ELMO1: variants seen among roughly 807,000 people sequenced by gnomAD.
ELMO1 encodes engulfment and cell motility 1.
A neutral mutation model predicts 98.9 loss-of-function variants in ELMO1; 26 were observed. That is an observed-to-expected ratio of 0.26 (90% CI 0.19 to 0.36). ELMO1 has a LOEUF of 0.36. ELMO1 is among the 10% of genes least tolerant of loss of function. The pLI, the probability that ELMO1 is intolerant of heterozygous loss-of-function variation, is 1.00. For synonymous variants in ELMO1, 346 were observed against 346.0 expected (o/e 1.00, Z 0.00); for missense variants, 627 against 935.2 (o/e 0.67, Z 4.30).
At chr7:37,108,429 T>C (rs574914669) in intron 14 of ELMO1, among the ~76,000 whole-genome samples, 2 of 152,258 alleles carry the variant, frequency 1.3e-5, no homozygotes, top group East Asian at 1.9e-4. Flanking sequence ...TAAAACCTTA[T>C]GTATGGTTTT....
At chr7:37,417,421 G>A (rs577732541) in intron 1 of ELMO1, among the ~76,000 whole-genome samples, 5 of 152,266 alleles carry the variant, frequency 3.3e-5, no homozygotes, top group East Asian at 3.9e-4. Flanking sequence ...CAGCACTTTC[G>A]GAGGCCGAGG....
chr7:37,437,638 G>T (rs1166780776), intron 1 of ELMO1, among the ~76,000 whole-genome samples: 1 of 151,984 alleles, frequency 6.6e-6, no homozygotes, highest in African/African-American at 2.4e-5. Flanking sequence ...ATTCCTTTGT[G>T]GTGGGAACAT....
intron 15 of ELMO1, among the ~76,000 whole-genome samples, chr7:37,080,297 C>G (rs896102946): frequency 3.9e-5 from 6 of 152,214 alleles, no homozygotes; most frequent in Non-Finnish European, 7.3e-5. Flanking sequence ...ATGAGCCACA[C>G]AATTCTTTGA....
rs910959434 is a variant in ELMO1, at chr7:37,053,493, C to G, written c.1301-40058G>C. Reference sequence around the variant, plus strand: ...TTCATGTGTTTCCTCTTAAACTTCCCTACTCAAGGCTAATCATACCCCATT... The same window carrying G: ...TTCATGTGTTTCCTCTTAAACTTCCGTACTCAAGGCTAATCATACCCCATT... On this transcript the variant is annotated intron_variant, in intron 15 of 21. Coordinates refer to ENST00000310758, the MANE Select transcript of ELMO1 (RefSeq NM_014800.11). Among the ~76,000 whole-genome samples the G allele has an allele frequency of 4.6e-5, 7 of 152,154 alleles. No homozygotes were observed. In the East Asian group the frequency reaches 1.3e-3, roughly 29 times the overall value.
chr7:36,913,924 T>C (rs1784509738), intron 16 of ELMO1, among the ~76,000 whole-genome samples: 1 of 152,360 alleles, frequency 6.6e-6, no homozygotes, highest in South Asian at 2.1e-4. Context: ...TAAAACTCCA[T>C]GTCCCATTTA....
At chr7:36,987,506 C>T (rs1273862186) in intron 16 of ELMO1, among the ~76,000 whole-genome samples, 1 of 152,168 alleles carries the variant, frequency 6.6e-6, no homozygotes, top group East Asian at 1.9e-4. Context: ...TCTGCCTTGG[C>T]ATCATAACAA....
chr7:37,200,897 C>T (rs963269033), intron 13 of ELMO1, among the ~76,000 whole-genome samples: 23 of 150,744 alleles, frequency 1.5e-4, no homozygotes, highest in East Asian at 5.8e-4. Flanking sequence ...GAGCCGAGAT[C>T]GCACCACTGC....
chr7:37,288,951 G>A (rs1797539490), intron 4 of ELMO1, among the ~76,000 whole-genome samples: 1 of 152,092 alleles, frequency 6.6e-6, no homozygotes, highest in South Asian at 2.1e-4. Flanking sequence ...GTCTTTTTTG[G>A]GGGCTGTCCT....
intron 1 of ELMO1, among the ~76,000 whole-genome samples, chr7:37,425,370 TAATACCATCATATTAGGTA>T (rs2131545193): frequency 6.6e-6 from 1 of 152,356 alleles, no homozygotes; most frequent in South Asian, 2.1e-4. Context: ...CCCCACTTTC[TAATACCATCATATTAGGTA>T]TGAGGATTTC....
chr7:36,931,325 C>T (rs985617866), intron 16 of ELMO1, among the ~76,000 whole-genome samples: 1 of 152,202 alleles, frequency 6.6e-6, no homozygotes, highest in Non-Finnish European at 1.5e-5. Flanking sequence ...TCAGGCCAGG[C>T]ATGGTGGCTC....
intron 1 of ELMO1, among the ~76,000 whole-genome samples, chr7:37,428,885 A>G (rs1804815155): frequency 6.6e-6 from 1 of 152,212 alleles, no homozygotes; most frequent in South Asian, 2.1e-4. Context: ...CAGAGTGTGT[A>G]GCTCAGTGAT....
rs1797729626 is a variant in ELMO1 at position 37,292,211 on chromosome 7, A to C, written c.193-20329T>G. On this transcript the variant is annotated intron_variant, in intron 4 of 21. Coordinates refer to ENST00000310758, the MANE Select transcript of ELMO1 (RefSeq NM_014800.11). ...GTGATCCGCCAGCCTCGGCCTCCCGAGGTGCCGGGATTGCAGACGGAGTCT... is the reference window on the plus strand; with the variant it reads ...GTGATCCGCCAGCCTCGGCCTCCCGCGGTGCCGGGATTGCAGACGGAGTCT... 2.8e-5 allele frequency among the ~76,000 whole-genome samples: 3 copies of C among 105,676 alleles called. No individual in the cohort carries two copies. In the Admixed American group the frequency reaches 2.9e-4, roughly 10 times the overall value. The allele number at this position is 105,676 out of a possible 152,430, so 69.3% of individuals were successfully genotyped here.
chr7:36,978,732 T>C (rs1184044070), intron 16 of ELMO1, among the ~76,000 whole-genome samples: 2 of 152,224 alleles, frequency 1.3e-5, no homozygotes, highest in African/African-American at 2.4e-5. Flanking sequence ...TCATTTGATG[T>C]TGACTGGCTT....
intron 16 of ELMO1, among the ~76,000 whole-genome samples, chr7:36,981,168 G>A (rs1791018692): frequency 6.9e-6 from 1 of 145,470 alleles, no homozygotes; most frequent in African/African-American, 2.5e-5. Flanking sequence ...GCAAATGGAG[G>A]CCAAAGCTCA....
chr7:37,263,225 A>G (rs1796067565), intron 5 of ELMO1, among the ~76,000 whole-genome samples: 1 of 151,412 alleles, frequency 6.6e-6, no homozygotes, highest in African/African-American at 2.4e-5. Context: ...GTTCTCAGAT[A>G]TCAGTTATTG....
At chr7:36,919,273 A>G (rs1310873474) in intron 16 of ELMO1, 2 of 446,688 alleles carry the variant, frequency 4.5e-6, no homozygotes, top group African/African-American at 4.0e-5. Context: ...CATGTCTATT[A>G]CATTTCCCAC....
chr7:37,168,321 C>G (rs931267338), intron 13 of ELMO1, among the ~76,000 whole-genome samples: 3 of 152,066 alleles, frequency 2.0e-5, no homozygotes, highest in Non-Finnish European at 4.4e-5. Context: ...CGTCTGAAGC[C>G]TTCTTCTCTG....
intron 15 of ELMO1, among the ~76,000 whole-genome samples, chr7:37,041,614 G>A (rs1795513081): frequency 6.6e-6 from 1 of 152,152 alleles, no homozygotes; most frequent in Admixed American, 6.5e-5. Flanking sequence ...CAAAAAGGAT[G>A]AGTTTATCAC....
At chr7:36,960,915 A>G (rs1397958633) in intron 16 of ELMO1, among the ~76,000 whole-genome samples, 1 of 152,054 alleles carries the variant, frequency 6.6e-6, no homozygotes. Flanking sequence ...TTTCTGCCGC[A>G]CTTGGGGTTT....
Sources: allele counts gnomAD v4.1 joint callset (sites outside exome capture counted in the v4.1 genomes callset), GRCh38; gene constraint gnomAD v4.1.1; transcripts MANE v1.5; gene names NCBI Gene and HGNC (gene_info 2026-07-23, HGNC 2026-07-21).